TRIP11: variants seen among roughly 807,000 people sequenced by gnomAD.
TRIP11 encodes the protein thyroid receptor-interacting protein 11.
TRIP11 carries 148 observed loss-of-function variants against 223.1 expected under a neutral mutation model. That is an observed-to-expected ratio of 0.66 (90% CI 0.58 to 0.76). The LOEUF is 0.76. Ranked by LOEUF, TRIP11 falls within the 30% of genes least tolerant of loss-of-function variation. TRIP11 has a pLI of 0.00. For missense variants in TRIP11, 2,043 were observed against 2,222.0 expected (o/e 0.92, Z 1.62); for synonymous variants, 762 against 772.6 (o/e 0.99, Z 0.23).
rs752776700 is a variant in TRIP11, at chr14:92,006,368, T to C, written c.1608A>G (p.Leu536=). ...DSIISKLKQD[L]NDEKKRVHQL... The stretch of plus-strand genomic sequence containing the variant: ...GATGAACTCTCTTTTTTTCATCATT[T>C]AGATCTTGTTTCAGTTTACTGATGA... The change falls in exon 11 of 21, where the codon CTA becomes CTG. Residue 536 remains leucine (L), a synonymous_variant. Coordinates refer to ENST00000267622, the MANE Select transcript of TRIP11 (RefSeq NM_004239.4). 1.2e-6 allele frequency: 2 copies of C among 1,612,970 alleles called. No individual in the cohort carries two copies.
chr14:92,029,290 T>A (rs1490293700), intron 2 of TRIP11, among the ~76,000 whole-genome samples: 4,113 of 75,258 alleles, frequency 0.055, 125 homozygotes, highest in South Asian at 0.24. Flanking sequence ...ATTTTTTTTT[T>A]TTTTTTTTTT....
Position 91,969,288 on chromosome 14 carries a change from T to TA in TRIP11, c.*384_*385insT. ...CTACTAGTATTTTTTTATTCTTCGT[T>TA]TAAAAAAAAAAAACACTCTCTTGAT... On this transcript the variant is annotated 3_prime_UTR_variant, in exon 21 of 21. Transcript: ENST00000267622. 1 of 309,134 alleles carries TA rather than the reference T, an allele frequency of 3.2e-6. No homozygotes were observed. The highest frequency in any genetic ancestry group is 6.0e-6 in the Non-Finnish European group (1 of 165,802). 19.1% of individuals were successfully genotyped at this position (309,134 alleles called of 1,614,324 possible).
chr14:92,039,522 T>C (rs1393165876), intron 1 of TRIP11, 25 bp downstream of exon 1: 14 of 1,612,414 alleles, frequency 8.7e-6, no homozygotes, highest in Non-Finnish European at 1.0e-5. Context: ...AGAAAAGCCC[T>C]CCCTTCCCTC....
chr14:92,024,153 A>G (rs1374640115), intron 3 of TRIP11, among the ~76,000 whole-genome samples: 1 of 152,162 alleles, frequency 6.6e-6, no homozygotes, highest in Non-Finnish European at 1.5e-5. Flanking sequence ...CAAGGCGGGC[A>G]GATCACCTGA....
intron 17 of TRIP11, among the ~76,000 whole-genome samples, 155 bp downstream of exon 17, chr14:91,975,953 T>C (rs932041586): frequency 1.3e-5 from 2 of 152,182 alleles, no homozygotes; most frequent in African/African-American, 4.8e-5. Context: ...TTCTGCTGAC[T>C]CCTCATTAAA....
intron 10 of TRIP11, 76 bp from the exon 11 acceptor site, chr14:92,006,524 A>G: frequency 6.9e-7 from 1 of 1,444,760 alleles, no homozygotes; most frequent in East Asian, 2.3e-5. Flanking sequence ...ATAAAATCTC[A>G]TACATAATAG....
intron 1 of TRIP11, 113 bp from the exon 2 acceptor site, chr14:92,033,366 T>C (rs1435917990): frequency 7.4e-6 from 6 of 811,048 alleles, no homozygotes; most frequent in South Asian, 4.6e-5. Flanking sequence ...TAGGCTGATA[T>C]GAAAGCATTC....
intron 5 of TRIP11, 101 bp downstream of exon 5, chr14:92,017,581 T>A: frequency 1.1e-6 from 1 of 881,866 alleles, no homozygotes; most frequent in Non-Finnish European, 1.8e-6. Context: ...TATATAATGA[T>A]AATGACTTTT....
At chr14:91,987,572 T>TTA (rs1235583751) in intron 16 of TRIP11, among the ~76,000 whole-genome samples, 1 of 152,222 alleles carries the variant, frequency 6.6e-6, no homozygotes, top group African/African-American at 2.4e-5. Flanking sequence ...GTTGATGCAT[T>TTA]TCTAGGCTCC....
In TRIP11 at chr14:91,966,732, C is replaced by A; in HGVS notation, c.*2941G>T. The A allele has an allele frequency of 4.8e-6, 1 of 206,514 alleles. No homozygotes were observed. Among genetic ancestry groups the A allele is most frequent in the Non-Finnish European group, 9.9e-6 (1 of 101,318 alleles). The allele number at this position is 206,514 out of a possible 1,614,324, so 12.8% of individuals were successfully genotyped here. ...AAAATGACAGGAATGAAAATTCAAA[C>A]AATTTGATCCAGTATTATGCTAAAA... is the stretch of plus-strand genomic sequence containing the variant. On this transcript the variant is annotated 3_prime_UTR_variant, in exon 21 of 21. Transcript: ENST00000267622.
intron 10 of TRIP11, among the ~76,000 whole-genome samples, chr14:92,006,916 C>T (rs1204970670): frequency 6.6e-6 from 1 of 152,148 alleles, no homozygotes; most frequent in Non-Finnish European, 1.5e-5. Context: ...GATCTGCCTG[C>T]CTCAGCCTCC....
intron 15 of TRIP11, among the ~76,000 whole-genome samples, chr14:91,989,011 T>A (rs9323868): frequency 0.29 from 44,195 of 152,140 alleles, 6,651 homozygotes; most frequent in South Asian, 0.34. Flanking sequence ...CTCTATAATA[T>A]CTTTTGTCAT....
chr14:92,012,320 C>T (rs561308865), intron 7 of TRIP11, among the ~76,000 whole-genome samples: 1 of 152,246 alleles, frequency 6.6e-6, no homozygotes, highest in Non-Finnish European at 1.5e-5. Flanking sequence ...CAAAAAAACA[C>T]AGCTGAAATC....
chr14:92,039,692 G>C lies in TRIP11; in HGVS notation c.-7C>G. ...CCCCAAGCCAGGACGACATCGCGGCGAGTTTAGAGAACGACCCGGTCCGCT... is the reference window on the plus strand; with the variant it reads ...CCCCAAGCCAGGACGACATCGCGGCCAGTTTAGAGAACGACCCGGTCCGCT... On this transcript the variant is annotated 5_prime_UTR_variant, in exon 1 of 21. Coordinates refer to ENST00000267622, the MANE Select transcript of TRIP11 (RefSeq NM_004239.4). The C allele has an allele frequency of 1.2e-6, 2 of 1,610,822 alleles. No homozygotes were observed. Among genetic ancestry groups the C allele is most frequent in the East Asian group, 2.2e-5 (1 of 44,824 alleles).
At chr14:92,028,427 C>A (rs978117584) in intron 2 of TRIP11, among the ~76,000 whole-genome samples, 1 of 152,106 alleles carries the variant, frequency 6.6e-6, no homozygotes, top group African/African-American at 2.4e-5. Context: ...TTGGCTTGCA[C>A]CCATAGTCCC....
chr14:91,977,126 CT>C, intron 16 of TRIP11: 1 of 403,490 alleles, frequency 2.5e-6, no homozygotes, highest in Non-Finnish European at 4.9e-6. Flanking sequence ...TGCCACAAAC[CT>C]TTTCCTTTGA....
intron 16 of TRIP11, among the ~76,000 whole-genome samples, chr14:91,987,358 T>C (rs193086255): frequency 3.3e-5 from 5 of 152,300 alleles, no homozygotes; most frequent in Admixed American, 6.5e-5. Flanking sequence ...TAGGCCAGCT[T>C]ACTTTGGCTT....
chr14:92,006,803 G>A (rs1459420451), intron 10 of TRIP11, among the ~76,000 whole-genome samples: 6 of 151,986 alleles, frequency 3.9e-5, no homozygotes, highest in African/African-American at 1.4e-4. Context: ...CGAGTAGCTG[G>A]GATTACAGGC....
chr14:91,988,502 C>A, intron 15 of TRIP11, 119 bp from the exon 16 acceptor site: 4 of 833,806 alleles, frequency 4.8e-6, no homozygotes, highest in East Asian at 5.3e-5. Flanking sequence ...ACCTCTATGA[C>A]CTTGGGCAAA....
Sources: gnomAD v4.1 joint callset for allele counts (sites outside exome capture counted in the v4.1 genomes callset) on GRCh38, gnomAD v4.1.1 for gene constraint, MANE v1.5 for transcripts, NCBI Gene and HGNC (gene_info 2026-07-23, HGNC 2026-07-21) for gene names.